The following UBN2 variants were observed in gnomAD, a reference collection of about 807,000 sequenced individuals.
The protein encoded by UBN2 is ubinuclein-2.
UBN2 carries 35 observed loss-of-function variants against 120.2 expected under a neutral mutation model. The observed-to-expected ratio is 0.29, with a 90% CI of 0.22 to 0.39. The LOEUF is 0.39. UBN2 is among the 10% of genes least tolerant of loss of function. The pLI is 1.00. For missense variants in UBN2, 1,693 were observed against 1,663.2 expected (o/e 1.02, Z -0.31); for synonymous variants, 661 against 648.7 (o/e 1.02, Z -0.29).
chr7:139,234,739 AC>A (rs1563200121), intron 1 of UBN2, among the ~76,000 whole-genome samples: 1 of 152,252 alleles, frequency 6.6e-6, no homozygotes, highest in African/African-American at 2.4e-5. Flanking sequence ...CCATTTGTGA[AC>A]ATGCTTAATT....
Position 139,258,922 on chromosome 7 carries a change from T to C in UBN2, c.801+297T>C, listed in dbSNP as rs541620516. 2.1e-4 allele frequency among the ~76,000 whole-genome samples: 32 copies of C among 152,336 alleles called. No individual in the cohort carries two copies. The South Asian group carries it at 6.6e-3, about 32-fold the overall frequency. Reference sequence around the variant, plus strand: ...GGTTAATATTAATAGCTGTTACCTTTCCTAAGATGTCATTTTTAACAAAAT... The same window carrying C: ...GGTTAATATTAATAGCTGTTACCTTCCCTAAGATGTCATTTTTAACAAAAT... On this transcript the variant is annotated intron_variant, in intron 4 of 17. Transcript: ENST00000473989.
chr7:139,329,974 G>A, the UBN2 span, among the ~76,000 whole-genome samples: 1 of 152,058 alleles, frequency 6.6e-6, no homozygotes, highest in Admixed American at 6.6e-5. Context: ...TCTAGCTTTG[G>A]GGTCAGATAG....
At chr7:139,308,287 C>G (rs900409623), downstream of UBN2, 3 of 152,156 alleles carry the variant, frequency 2.0e-5, no homozygotes, top group African/African-American at 4.8e-5. Flanking sequence ...ACATCACACT[C>G]TCAGCTGTTG....
chr7:139,262,597 C>A (rs1796971887), intron 6 of UBN2, among the ~76,000 whole-genome samples: 1 of 151,758 alleles, frequency 6.6e-6, no homozygotes, highest in African/African-American at 2.4e-5. Context: ...TGCCTGTAAT[C>A]CCAGCTACTC....
chr7:139,328,761 G>A, the UBN2 span, among the ~76,000 whole-genome samples: 1 of 151,968 alleles, frequency 6.6e-6, no homozygotes, highest in African/African-American at 2.4e-5. Flanking sequence ...CTATTCAGGA[G>A]GCTGAGGCAG....
chr7:139,291,635 G>A (rs1476473637), intron 15 of UBN2, among the ~76,000 whole-genome samples: 1 of 151,986 alleles, frequency 6.6e-6, no homozygotes, highest in Non-Finnish European at 1.5e-5. Context: ...AGGATCGCTG[G>A]AGCCCAGAAG....
chr7:139,316,645 G>A, the UBN2 span, among the ~76,000 whole-genome samples: 1 of 152,102 alleles, frequency 6.6e-6, no homozygotes, highest in South Asian at 2.1e-4. Context: ...TCGGGAGACT[G>A]AGGCTAGAGA....
chr7:139,327,507 G>A, the UBN2 span, among the ~76,000 whole-genome samples: 1 of 152,138 alleles, frequency 6.6e-6, no homozygotes, highest in African/African-American at 2.4e-5. Context: ...TGTTGTGTCA[G>A]AAGGCAGAAG....
At chr7:139,326,026 A>G in the UBN2 span, among the ~76,000 whole-genome samples, 1 of 149,372 alleles carries the variant, frequency 6.7e-6, no homozygotes, top group Non-Finnish European at 1.5e-5. Context: ...CCCCATCTCT[A>G]CTAAAAGTAC....
Position 139,274,046 on chromosome 7 carries a change from C to T in UBN2, c.1945C>T (p.Leu649=). Residue 649 remains leucine (L), a synonymous_variant, in exon 11 of 18, where the codon CTG becomes TTG. Transcript: ENST00000473989. ...KSFMETEVKP[L]WPKGWMQARM... ...TTTTATGGAGACAGAAGTGAAGCCCCTGTGGCCTAAGGGCTGGATGCAGGC... is the reference window on the plus strand; with the variant it reads ...TTTTATGGAGACAGAAGTGAAGCCCTTGTGGCCTAAGGGCTGGATGCAGGC... The T allele has an allele frequency of 1.2e-6, 2 of 1,608,372 alleles. No homozygotes were observed. The highest frequency in any genetic ancestry group is 1.1e-5 in the South Asian group (1 of 89,308).
intron 7 of UBN2, among the ~76,000 whole-genome samples, chr7:139,268,561 A>C (rs968265503): frequency 6.6e-6 from 1 of 152,186 alleles, no homozygotes; most frequent in African/African-American, 2.4e-5. Context: ...ATCAATAAAT[A>C]TACAACATGC....
rs779150356 is a variant in UBN2, at chr7:139,237,055, G to T, written c.519G>T (p.Arg173Ser). 6.2e-7 allele frequency: 1 copy of T among 1,611,074 alleles called. No individual in the cohort carries two copies. The highest frequency in any genetic ancestry group is 8.5e-7 in the Non-Finnish European group (1 of 1,178,056). ...CATTTAATGATGAACATCAGGAGAG[G>T]CAAGAGGTGGAAATGTTGGCTAAGA... ...EDPFNDEHQE[R>S]QEVEMLAKKF... Residue 173 changes from arginine to serine, a missense_variant, in exon 2 of 18, where the codon AGG becomes AGT. This residue lies in a region of UBN2 where 663 missense variants were observed against 591.2 expected (regional missense o/e 1.12). Coordinates refer to ENST00000473989, the MANE Select transcript of UBN2 (RefSeq NM_173569.4).
At chr7:139,241,476 A>G (rs1018763005) in intron 2 of UBN2, among the ~76,000 whole-genome samples, 2 of 152,178 alleles carry the variant, frequency 1.3e-5, no homozygotes, top group Admixed American at 6.5e-5. Flanking sequence ...CTTGAATACT[A>G]TCTTTCACAC....
At chr7:139,243,055 A>G (rs551742376) in intron 2 of UBN2, among the ~76,000 whole-genome samples, 1 of 152,262 alleles carries the variant, frequency 6.6e-6, no homozygotes, top group East Asian at 1.9e-4. Flanking sequence ...AGTTTGGTTT[A>G]CTATTAGCTG....
intron 3 of UBN2, among the ~76,000 whole-genome samples, chr7:139,256,374 ATT>A (rs760479950): frequency 6.6e-6 from 1 of 152,192 alleles, no homozygotes; most frequent in Non-Finnish European, 1.5e-5. Context: ...ATCAGAACTA[ATT>A]TTTATTTCAG....
chr7:139,287,254 G>A (rs1048996612), intron 15 of UBN2, among the ~76,000 whole-genome samples: 1 of 151,880 alleles, frequency 6.6e-6, no homozygotes, highest in Non-Finnish European at 1.5e-5. Context: ...CCTCCTCCTA[G>A]GGTTAACTAC....
intron 15 of UBN2, 71 bp downstream of exon 15, chr7:139,284,645 T>G (rs1797728873): frequency 1.5e-6 from 2 of 1,328,154 alleles, no homozygotes; most frequent in East Asian, 4.7e-5. Context: ...GTGGGTAACT[T>G]TAATAAGCTT....
intron 6 of UBN2, among the ~76,000 whole-genome samples, chr7:139,262,257 C>A (rs920303317): frequency 6.6e-6 from 1 of 151,930 alleles, no homozygotes; most frequent in African/African-American, 2.4e-5. Flanking sequence ...GCACCATCTC[C>A]CCCGGCTAAT....
In UBN2 at chr7:139,298,081, G is replaced by C; in HGVS notation, c.*245G>C. ...TCTTCTAAAGAATGACAGAGTTACC[G>C]TATTAACAGACTTGAAAGAGACTCA... is the stretch of plus-strand genomic sequence containing the variant. On this transcript the variant is annotated 3_prime_UTR_variant, in exon 18 of 18. Coordinates refer to ENST00000473989, the MANE Select transcript of UBN2 (RefSeq NM_173569.4). The C allele has an allele frequency of 2.3e-6, 1 of 428,676 alleles. No individual in the cohort carries two copies. The highest frequency in any genetic ancestry group is 4.2e-6 in the Non-Finnish European group (1 of 239,620). 26.6% of individuals were successfully genotyped at this position (428,676 alleles called of 1,614,324 possible). A position where few individuals can be genotyped will look rare whatever the true frequency, so the allele number is the denominator to read the frequency against.
Sources: gnomAD v4.1 joint callset for allele counts (sites outside exome capture counted in the v4.1 genomes callset) on GRCh38, gnomAD v4.1.1 for gene constraint, gnomAD v4.1.1 regional missense constraint, MANE v1.5 for transcripts, NCBI Gene and HGNC (gene_info 2026-07-23, HGNC 2026-07-21) for gene names.